Variants in ZNF836 observed in about 807,000 individuals in gnomAD.
ZNF836 encodes zinc finger protein 836.
Under a neutral mutation model 7.4 loss-of-function variants are expected in ZNF836, and 12 were observed. That is an observed-to-expected ratio of 1.61 (90% CI 1.03 to 2.61). The LOEUF (loss-of-function observed/expected upper bound fraction) is 2.61, where lower values mean the gene tolerates loss of function less well. Ranked by LOEUF, ZNF836 falls within the 30% of genes most tolerant of loss-of-function variation. The probability of loss-of-function intolerance (pLI) is 0.00; values close to 1 mark genes in which losing one functional copy is unlikely to be tolerated. For missense variants in ZNF836, 998 were observed against 1,126.2 expected, an observed-to-expected ratio of 0.89 and a Z score of 1.63; for synonymous variants, 365 against 382.6, an observed-to-expected ratio of 0.95 and a Z score of 0.54.
In ZNF836 at chr19:52,157,293, C is replaced by T. The variant is rs369226235; in HGVS notation, c.390G>A (p.Glu130=). ...LNGKRGQHSQ[E]DVENKCIENQ... Reference sequence around the variant, plus strand: ...TTTCAATACATTTGTTTTCTACATCCTCTTGACTATGTTGACCTCTTTTAC... The same window carrying T: ...TTTCAATACATTTGTTTTCTACATCTTCTTGACTATGTTGACCTCTTTTAC... The change falls in exon 5 of 5, where the codon GAG becomes GAA. Residue 130 remains glutamate, a synonymous_variant. Transcript: ENST00000682614. 3 of 1,605,810 alleles carry T rather than the reference C, an allele frequency of 1.9e-6. No homozygotes were observed. The highest frequency in any genetic ancestry group is 2.6e-6 in the Non-Finnish European group (3 of 1,175,082).
At chr19:52,164,277 C>T (rs2089240690) in intron 3 of ZNF836, among the ~76,000 whole-genome samples, 1 of 151,602 alleles carries the variant, frequency 6.6e-6, no homozygotes. Flanking sequence ...CTTGTAATCC[C>T]AGCTACTCAG....
intron 3 of ZNF836, among the ~76,000 whole-genome samples, chr19:52,162,158 A>G (rs2089218564): frequency 6.6e-6 from 1 of 152,184 alleles, no homozygotes; most frequent in Admixed American, 6.5e-5. Flanking sequence ...GGAAGTTCTC[A>G]CAGTGCCTGC....
At chr19:52,165,738 G>T (rs566286550) in intron 3 of ZNF836, among the ~76,000 whole-genome samples, 1 of 152,156 alleles carries the variant, frequency 6.6e-6, no homozygotes, top group Non-Finnish European at 1.5e-5. Flanking sequence ...CTGCAAAGCA[G>T]CCCTCTCCCA....
At position 52,155,555 on chromosome 19, in the gene ZNF836, C is replaced by T. The variant is rs2089146246; in HGVS notation, c.2128G>A (p.Ala710Thr). Residue 710 changes from alanine (A) to threonine (T), a missense_variant, in exon 5 of 5, where the codon GCA becomes ACA. Physicochemically the swap from Ala to Thr is moderately conservative, Grantham distance 58. Coordinates refer to ENST00000682614, the MANE Select transcript of ZNF836 (RefSeq NM_001102657.3). ...GGAFIQSSKL[A>T]RYHRNPTGEK... Reference sequence around the variant, plus strand: ...CCAGTAGGATTTCTGTGATATCTTGCAAGTTTTGAACTTTGGATAAATGCC... The same window carrying T: ...CCAGTAGGATTTCTGTGATATCTTGTAAGTTTTGAACTTTGGATAAATGCC... 6.2e-7 allele frequency: 1 copy of T among 1,613,818 alleles called. No individual in the cohort carries two copies. Among genetic ancestry groups the T allele is most frequent in the African/African-American group, 1.3e-5 (1 of 74,896 alleles).
In ZNF836 at chr19:52,157,042, C is replaced by T; in HGVS notation, c.641G>A (p.Arg214Lys). 1.9e-6 allele frequency: 3 copies of T among 1,614,016 alleles called. No homozygotes were observed. The highest frequency in any genetic ancestry group is 2.5e-6 in the Non-Finnish European group (3 of 1,179,926). Residue 214 changes from arginine to lysine, a missense_variant, in exon 5 of 5, where the codon AGG becomes AAG. Physicochemically the swap from Arg to Lys is conservative, Grantham distance 26. Transcript: ENST00000682614. ...LPTQLEKTHI[R>K]EKPYMCKGCG... The stretch of plus-strand genomic sequence containing the variant: ...CCCTTTACACATATAAGGTTTTTCC[C>T]TAATGTGTGTTTTCTCAAGTTGGGT...
chr19:52,169,377 C>G (rs1174362769), intron 2 of ZNF836, among the ~76,000 whole-genome samples: 1 of 152,106 alleles, frequency 6.6e-6, no homozygotes, highest in East Asian at 1.9e-4. Context: ...GTTGGGAGTT[C>G]AAGACCAGCC....
rs1568569830 is a variant in ZNF836 at position 52,156,650 on chromosome 19, G to A, written c.1033C>T (p.Leu345Phe). ...GTATGGATTATCTGATGTGTAGTGA[G>A]GCATGAGCCTTGTTTGAAGGTTTTC... is the stretch of plus-strand genomic sequence containing the variant. ...CGKTFKQGSCLTTHQIIHTGE... is the reference protein window; with the variant it reads ...CGKTFKQGSCFTTHQIIHTGE... Residue 345 changes from leucine to phenylalanine, a missense_variant, in exon 5 of 5, where the codon CTC becomes TTC. Transcript: ENST00000682614. 3.7e-6 allele frequency: 6 copies of A among 1,613,416 alleles called. No homozygotes were observed. Among genetic ancestry groups the A allele is most frequent in the Non-Finnish European group, 5.1e-6 (6 of 1,179,594 alleles).
At chr19:52,169,878 C>G (rs2089295277) in intron 1 of ZNF836, 97 bp from the exon 2 acceptor site, 1 of 152,076 alleles carries the variant, frequency 6.6e-6, no homozygotes, top group Non-Finnish European at 1.5e-5. Flanking sequence ...ATCCTCTACC[C>G]CATCCCAGGG....
In ZNF836 at chr19:52,156,190, T is replaced by G; in HGVS notation, c.1493A>C (p.Tyr498Ser). 1.2e-6 allele frequency: 2 copies of G among 1,614,204 alleles called. No individual in the cohort carries two copies. Among genetic ancestry groups the G allele is most frequent in the African/African-American group, 1.3e-5 (1 of 75,054 alleles). ...GGCTTTACCACATTTATCACATTTGTAAGGTTTCTCTCCAGTATGAATTCT... is the reference window on the plus strand; with the variant it reads ...GGCTTTACCACATTTATCACATTTGGAAGGTTTCTCTCCAGTATGAATTCT... ...HRRIHTGEKP[Y>S]KCDKCGKAFK... Residue 498 changes from tyrosine to serine, a missense_variant, in exon 5 of 5, where the codon TAC (tyrosine) becomes TCC (serine). Tyr to Ser is a moderately radical substitution (Grantham distance 144). Coordinates refer to ENST00000682614, the MANE Select transcript of ZNF836 (RefSeq NM_001102657.3).
chr19:52,158,571 C>T lies in ZNF836; in HGVS notation c.143-1031G>A, dbSNP rs553047248. Among the ~76,000 whole-genome samples, 6 of 151,824 alleles carry T rather than the reference C, an allele frequency of 4.0e-5. 1 individual carries two copies. Among genetic ancestry groups the T allele is most frequent in the Admixed American group, 3.9e-4 (6 of 15,218 alleles). ...TAGCCTGGCCAACATGATGAAACCC[C>T]GTCTCTACTAAAAATACAAAAATTA... On this transcript the variant is annotated intron_variant, in intron 4 of 4. Coordinates refer to ENST00000682614, the MANE Select transcript of ZNF836 (RefSeq NM_001102657.3).
intron 3 of ZNF836, 44 bp from the exon 4 acceptor site, chr19:52,160,635 T>C (rs893926159): frequency 3.2e-6 from 5 of 1,556,736 alleles, no homozygotes; most frequent in Non-Finnish European, 4.3e-6. Context: ...GGGAGAGCTC[T>C]TATCTATACA....
At chr19:52,160,012 G>A (rs1281018201) in intron 4 of ZNF836, among the ~76,000 whole-genome samples, 1 of 151,840 alleles carries the variant, frequency 6.6e-6, no homozygotes, top group African/African-American at 2.4e-5. Flanking sequence ...GTGAAACTCC[G>A]TCACTACTAA....
chr19:52,167,807 C>T (rs2089278888), intron 3 of ZNF836, among the ~76,000 whole-genome samples: 1 of 152,148 alleles, frequency 6.6e-6, no homozygotes, highest in Non-Finnish European at 1.5e-5. Flanking sequence ...GGCCCATACC[C>T]CGTCTCCATC....
chr19:52,160,140 G>A (rs1184980199), intron 4 of ZNF836, among the ~76,000 whole-genome samples: 2 of 146,952 alleles, frequency 1.4e-5, no homozygotes, highest in East Asian at 2.0e-4. Flanking sequence ...TTGGGTTCAC[G>A]CCACTGCACT....
In ZNF836 at chr19:52,155,712, C is replaced by T. The variant is rs1404063992; in HGVS notation, c.1971G>A (p.Arg657=). ...FSYYSCLARH[R]KIHTGEKPYK... is the part of the protein sequence containing the mutation. Reference sequence around the variant, plus strand: ...AAGGTTTCTCTCCGGTATGAATTTTCCGATGACGTGCTAGGCATGAGTAGT... The same window carrying T: ...AAGGTTTCTCTCCGGTATGAATTTTTCGATGACGTGCTAGGCATGAGTAGT... The change falls in exon 5 of 5, where the codon CGG becomes CGA. Residue 657 remains arginine, a synonymous_variant. Transcript: ENST00000682614. 8 of 1,614,040 alleles carry T rather than the reference C, an allele frequency of 5.0e-6. No individual in the cohort carries two copies. The highest frequency in any genetic ancestry group is 5.1e-6 in the Non-Finnish European group (6 of 1,180,036).
chr19:52,157,923 A>G (rs1027405568), intron 4 of ZNF836, among the ~76,000 whole-genome samples: 4 of 152,108 alleles, frequency 2.6e-5, no homozygotes, highest in Non-Finnish European at 4.4e-5. Context: ...AATAACTACT[A>G]TTCATAAATA....
rs759288271 is a variant in ZNF836 at position 52,155,784 on chromosome 19, A to T, written c.1899T>A (p.Thr633=). 2 of 1,613,954 alleles carry T rather than the reference A, an allele frequency of 1.2e-6. No homozygotes were observed. The highest frequency in any genetic ancestry group is 2.2e-5 in the South Asian group (2 of 91,080). The part of the protein sequence containing the change: ...GNLSNHKRIH[T]GEKPFQCNEC... ...CGTTACATTGAAACGGCTTCTCTCC[A>T]GTATGAATTCTCTTATGATTTGAAA... Residue 633 remains threonine (T), a synonymous_variant, in exon 5 of 5, where the codon ACT becomes ACA. Coordinates refer to ENST00000682614, the MANE Select transcript of ZNF836 (RefSeq NM_001102657.3).
chr19:52,169,087 G>T (rs915805495), intron 2 of ZNF836, among the ~76,000 whole-genome samples: 1 of 152,112 alleles, frequency 6.6e-6, no homozygotes, highest in Admixed American at 6.6e-5. Context: ...GAAAGTTTTT[G>T]AAAAATTTAA....
chr19:52,162,796 C>T (rs1023241137), intron 3 of ZNF836, among the ~76,000 whole-genome samples: 10 of 152,206 alleles, frequency 6.6e-5, no homozygotes, highest in Admixed American at 1.3e-4. Context: ...CAGGGAGTGA[C>T]GGCCCTCAGC....
Sources: allele counts gnomAD v4.1 joint callset (sites outside exome capture counted in the v4.1 genomes callset), GRCh38; gene constraint gnomAD v4.1.1; transcripts MANE v1.5; gene names NCBI Gene and HGNC (gene_info 2026-07-23, HGNC 2026-07-21).